Variants in SALL4 observed in about 807,000 individuals in gnomAD.
The protein encoded by SALL4 is sal-like protein 4.
A neutral mutation model predicts 60.8 loss-of-function variants in SALL4; 4 were observed. The ratio of observed to expected loss-of-function variants is 0.07; its 90% CI spans 0.03 to 0.15. SALL4 has a LOEUF of 0.15. SALL4 is among the 10% of genes least tolerant of loss of function. The pLI is 1.00. For synonymous variants in SALL4, 580 were observed against 574.9 expected (o/e 1.01, Z -0.13); for missense variants, 1,178 against 1,394.7 (o/e 0.84, Z 2.48).
intron 1 of SALL4, chr20:51,792,699 A>AAAAAAAAAAG (rs2078055900): frequency 1.2e-6 from 1 of 841,778 alleles, no homozygotes; most frequent in Admixed American, 4.7e-5. Context: ...AAAAAAAAAA[A>AAAAAAAAAAG]AAAAAAAAAA....
intron 1 of SALL4, among the ~76,000 whole-genome samples, chr20:51,793,455 T>C (rs368926933): frequency 3.9e-5 from 6 of 152,116 alleles, no homozygotes; most frequent in East Asian, 3.9e-4. Context: ...AGTGAGACCC[T>C]GTCTGGAAAA....
chr20:51,790,230 G>A lies in SALL4; in HGVS notation c.2253C>T (p.Asn751=), dbSNP rs745976757. The A allele has an allele frequency of 9.9e-6, 16 of 1,614,096 alleles. No homozygotes were observed. Among genetic ancestry groups the A allele is most frequent in the African/African-American group, 1.3e-5 (1 of 75,026 alleles). Residue 751 remains asparagine (N), a synonymous_variant, in exon 2 of 4, where the codon AAC becomes AAT. Transcript: ENST00000217086. This position sits in a 1 kb window ranked among gnomAD's most constrained non-coding sequence, Gnocchi z 5.5. ...TCAAGCCATCGCTCTCCACGGAACC[G>A]TTTTCTCTGCTGCCCTGGCGCTGCA... The part of the protein sequence containing the change: ...FNLQRQGSRE[N]GSVESDGLTN...
chr20:51,801,055 A>C lies in SALL4; in HGVS notation c.130+1224T>G, dbSNP rs6021448. 6.6e-6 allele frequency among the ~76,000 whole-genome samples: 1 copy of C among 151,912 alleles called. No individual in the cohort carries two copies. Among genetic ancestry groups the C allele is most frequent in the African/African-American group, 2.4e-5 (1 of 41,364 alleles). On this transcript the variant is annotated intron_variant, in intron 1 of 3. Coordinates refer to ENST00000217086, the MANE Select transcript of SALL4 (RefSeq NM_020436.5). The surrounding 1 kb of genome is among the most constrained non-coding windows in gnomAD (Gnocchi z 5.2). Reference sequence around the variant, plus strand: ...GTTGCCGCGCACACCCGTCTGCTGCAGGGAAATTAGAAAGCAGGCGGGGAG... The same window carrying C: ...GTTGCCGCGCACACCCGTCTGCTGCCGGGAAATTAGAAAGCAGGCGGGGAG...
rs928349116 is a variant in SALL4, at chr20:51,782,582, G to A, written c.*1683C>T. The A allele has an allele frequency of 9.2e-4, 138 of 150,754 alleles. No homozygotes were observed. The highest frequency in any genetic ancestry group is 3.1e-3 in the African/African-American group (128 of 41,078). 9.3% of individuals were successfully genotyped at this position (150,754 alleles called of 1,614,324 possible). A position where few individuals can be genotyped will look rare whatever the true frequency, so the allele number is the denominator to read the frequency against. On this transcript the variant is annotated 3_prime_UTR_variant, in exon 4 of 4. Transcript: ENST00000217086. The stretch of plus-strand genomic sequence containing the variant: ...AAAAAAAAAAAAAAAAAAGGGGGGC[G>A]GAATCCTAAAGTCAGGTGCAACGAT...
Position 51,790,639 on chromosome 20 carries a change from A to T in SALL4, c.1844T>A (p.Val615Asp). The change falls in exon 2 of 4, where the codon GTT becomes GAT. Residue 615 changes from valine to aspartate, a missense_variant. Physicochemically the swap from Val to Asp is radical, Grantham distance 152 (BLOSUM62 -3). Transcript: ENST00000217086. This position sits in a 1 kb window ranked among gnomAD's most constrained non-coding sequence, Gnocchi z 5.5. ...CTTAATGGATGTGTTGGTTCGGTGA[A>T]CCCCAAGGTGTGTCTTCAGGTTACC... is the stretch of plus-strand genomic sequence containing the variant. ...TKGNLKTHLG[V>D]HRTNTSIKTQ... The T allele has an allele frequency of 6.2e-7, 1 of 1,614,076 alleles. No homozygotes were observed.
Position 51,783,572 on chromosome 20 carries a change from T to C in SALL4, c.*693A>G, listed in dbSNP as rs1269636897. 3 of 152,772 alleles carry C rather than the reference T, an allele frequency of 2.0e-5. No individual in the cohort carries two copies. The highest frequency in any genetic ancestry group is 4.4e-5 in the Non-Finnish European group (3 of 68,542). 9.5% of individuals were successfully genotyped at this position (152,772 alleles called of 1,614,324 possible). ...CCTCAATGAGGCTGTGTAGTTGTCT[T>C]TTCCACTGTTGTTCAGTAAGTTCCA... On this transcript the variant is annotated 3_prime_UTR_variant, in exon 4 of 4. Transcript: ENST00000217086.
intron 1 of SALL4, among the ~76,000 whole-genome samples, chr20:51,799,159 G>T (rs983749820): frequency 2.0e-5 from 3 of 152,046 alleles, no homozygotes; most frequent in African/African-American, 7.2e-5. Flanking sequence ...AAAACATTTT[G>T]GTATTTTGAA....
chr20:51,795,432 A>T (rs1421087031), intron 1 of SALL4, among the ~76,000 whole-genome samples: 1 of 152,076 alleles, frequency 6.6e-6, no homozygotes, highest in African/African-American at 2.4e-5. Context: ...AAAACAGATA[A>T]AAATGTTCGT....
rs886042721 is a variant in SALL4 at position 51,802,415 on chromosome 20, A to C, written c.-7T>G. On this transcript the variant is annotated 5_prime_UTR_variant, in exon 1 of 4. Coordinates refer to ENST00000217086, the MANE Select transcript of SALL4 (RefSeq NM_020436.5). ...CCTGCTTGCGCCTCGACATGGTGCGAGCATCGGGGCGCCGGGAGAGCCGCA... is the reference window on the plus strand; with the variant it reads ...CCTGCTTGCGCCTCGACATGGTGCGCGCATCGGGGCGCCGGGAGAGCCGCA... 4 of 1,612,544 alleles carry C rather than the reference A, an allele frequency of 2.5e-6. No homozygotes were observed. Among genetic ancestry groups the C allele is most frequent in the Non-Finnish European group, 3.4e-6 (4 of 1,179,910 alleles).
At chr20:51,786,345 C>G (rs371353452) in intron 3 of SALL4, among the ~76,000 whole-genome samples, 170 of 152,170 alleles carry the variant, frequency 1.1e-3, no homozygotes, top group African/African-American at 3.8e-3. Flanking sequence ...CCGCCCACCT[C>G]GGCCTCCCAA....
chr20:51,790,538 T>C lies in SALL4; in HGVS notation c.1945A>G (p.Met649Val), dbSNP rs1413466693. 4 of 1,614,056 alleles carry C rather than the reference T, an allele frequency of 2.5e-6. No homozygotes were observed. The highest frequency in any genetic ancestry group is 3.4e-6 in the Non-Finnish European group (4 of 1,180,048). ...GGCGTGTTGGGAATCTGACCGCCCATGTGCATCCGAATATGTTGCTGCAGC... is the reference window on the plus strand; with the variant it reads ...GGCGTGTTGGGAATCTGACCGCCCACGTGCATCCGAATATGTTGCTGCAGC... ...VMLQQHIRMH[M>V]GGQIPNTPLP... The change falls in exon 2 of 4, where the codon ATG becomes GTG. Residue 649 changes from methionine to valine, a missense_variant. Met to Val is a conservative substitution (Grantham distance 21, BLOSUM62 1). Coordinates refer to ENST00000217086, the MANE Select transcript of SALL4 (RefSeq NM_020436.5). This position sits in a 1 kb window ranked among gnomAD's most constrained non-coding sequence, Gnocchi z 5.5.
At chr20:51,785,030 C>A (rs1233570276) in intron 3 of SALL4, among the ~76,000 whole-genome samples, 2 of 152,042 alleles carry the variant, frequency 1.3e-5, no homozygotes, top group African/African-American at 4.8e-5. Context: ...AGGCCAGGCA[C>A]GGTGGCTCAC....
rs1175508462 is a variant in SALL4, at chr20:51,782,575, G to GA, written c.*1689_*1690insT. On this transcript the variant is annotated 3_prime_UTR_variant, in exon 4 of 4. Transcript: ENST00000217086. Reference sequence around the variant, plus strand: ...CAAAAAAAAAAAAAAAAAAAAAAAAGGGGGGCGGAATCCTAAAGTCAGGTG... The same window carrying GA: ...CAAAAAAAAAAAAAAAAAAAAAAAAGAGGGGGCGGAATCCTAAAGTCAGGTG... The GA allele has an allele frequency of 1.8e-5, 2 of 109,214 alleles. No homozygotes were observed. The highest frequency in any genetic ancestry group is 4.2e-5 in the African/African-American group (1 of 24,058). The allele number at this position is 109,214 out of a possible 1,614,324, so 6.8% of individuals were successfully genotyped here. A position where few individuals can be genotyped will look rare whatever the true frequency, so the allele number is the denominator to read the frequency against.
intron 1 of SALL4, among the ~76,000 whole-genome samples, chr20:51,796,576 C>T (rs550285128): frequency 2.0e-5 from 3 of 152,274 alleles, no homozygotes; most frequent in East Asian, 1.9e-4. Flanking sequence ...TGCCTTAGGT[C>T]GCTTATCTTC....
intron 1 of SALL4, among the ~76,000 whole-genome samples, chr20:51,800,713 G>T (rs1002676299): frequency 6.6e-6 from 1 of 151,894 alleles, no homozygotes; most frequent in African/African-American, 2.4e-5. Context: ...AAGCCTTCAC[G>T]CTCCCCTCAA....
Position 51,792,325 on chromosome 20 carries a change from T to C in SALL4, c.158A>G (p.Asp53Gly). Residue 53 changes from aspartate (D) to glycine (G), a missense_variant, in exon 2 of 4, where the codon GAC becomes GGC. This residue lies in a region of SALL4 where 108 missense variants were observed against 95.7 expected (regional missense o/e 1.13). Transcript: ENST00000217086. ...LGAPVNHPGN[D>G]EVASEDEATV... is the part of the protein sequence containing the mutation. ...GGCTTCATCCTCACTCGCCACCTCG[T>C]CATTCCCTGGGTGGTTCACTGGAGC... 2 of 1,605,584 alleles carry C rather than the reference T, an allele frequency of 1.2e-6. No homozygotes were observed. Among genetic ancestry groups the C allele is most frequent in the Non-Finnish European group, 1.7e-6 (2 of 1,179,968 alleles).
chr20:51,796,535 G>A (rs968481597), intron 1 of SALL4, among the ~76,000 whole-genome samples: 4 of 152,144 alleles, frequency 2.6e-5, no homozygotes, highest in Non-Finnish European at 4.4e-5. Flanking sequence ...CTTCCAATGT[G>A]GACCAGGGAA....
At position 51,783,836 on chromosome 20, in the gene SALL4, C is replaced by T. The variant is rs1031531065; in HGVS notation, c.*429G>A. On this transcript the variant is annotated 3_prime_UTR_variant, in exon 4 of 4. Coordinates refer to ENST00000217086, the MANE Select transcript of SALL4 (RefSeq NM_020436.5). ...AGCAGTTCGAGACCAGCCTGACCAA[C>T]ATGGTGAAACCCAGTCTCTACTCAA... is the stretch of plus-strand genomic sequence containing the variant. The T allele has an allele frequency of 4.5e-6, 1 of 221,232 alleles. No individual in the cohort carries two copies. The highest frequency in any genetic ancestry group is 9.0e-6 in the Non-Finnish European group (1 of 110,558). 13.7% of individuals were successfully genotyped at this position (221,232 alleles called of 1,614,324 possible). A position where few individuals can be genotyped will look rare whatever the true frequency, so the allele number is the denominator to read the frequency against.
Position 51,788,766 on chromosome 20 carries a change from GGAATGGAA to G in SALL4, c.2742+87_2742+94del. The G allele has an allele frequency of 6.7e-7, 1 of 1,486,940 alleles. No individual in the cohort carries two copies. The highest frequency in any genetic ancestry group is 1.1e-5 in the South Asian group (1 of 88,278). 92.1% of individuals were successfully genotyped at this position (1,486,940 alleles called of 1,614,324 possible). The stretch of plus-strand genomic sequence containing the variant: ...CCTCCCACCTCGGCCTCCCAAAGGA[GGAATGGAA>G]GGATGGAAGAACTCATCACGGCTTG... On this transcript the variant is annotated intron_variant, in intron 3 of 3. Transcript: ENST00000217086. The surrounding 1 kb of genome is among the most constrained non-coding windows in gnomAD (Gnocchi z 4.1).
Sources: gnomAD v4.1 joint callset for allele counts (sites outside exome capture counted in the v4.1 genomes callset) on GRCh38, gnomAD v4.1.1 for gene constraint, gnomAD v4.1.1 regional missense constraint, Gnocchi (gnomAD v3.1) non-coding constraint, MANE v1.5 for transcripts, NCBI Gene and HGNC (gene_info 2026-07-23, HGNC 2026-07-21) for gene names.